The following TRMT13 variants were observed in gnomAD, a reference collection of about 807,000 sequenced individuals.
TRMT13 encodes the protein tRNA:m(4)X modification enzyme TRM13 homolog.
A neutral mutation model predicts 55.9 loss-of-function variants in TRMT13; 45 were observed. The observed-to-expected ratio is 0.80, with a 90% confidence interval of 0.63 to 1.03. TRMT13 has a LOEUF of 1.03. TRMT13 is among the 50% of genes least tolerant of loss of function. TRMT13 has a pLI of 0.00. For synonymous variants in TRMT13, 183 were observed against 196.3 expected (o/e 0.93, Z 0.57); for missense variants, 513 against 563.9 (o/e 0.91, Z 0.91).
Position 100,136,867 on chromosome 1 carries a change from C to A in TRMT13, c.148-15C>A. 3.8e-6 allele frequency: 6 copies of A among 1,571,664 alleles called. No homozygotes were observed. Among genetic ancestry groups the A allele is most frequent in the Non-Finnish European group, 5.2e-6 (6 of 1,156,584 alleles). ...TGATATTTTATTTAAATAAATGTAT[C>A]TCTTAATTTATTAGGAAGAAGATGC... On this transcript the variant is annotated splice_polypyrimidine_tract_variant and intron_variant, in intron 1 of 10. Transcript: ENST00000370141.
intron 8 of TRMT13, among the ~76,000 whole-genome samples, chr1:100,143,434 TTA>T (rs1280167214): frequency 3.9e-5 from 6 of 152,316 alleles, no homozygotes; most frequent in African/African-American, 1.4e-4. Context: ...AAGTGTTATA[TTA>T]GGGAAGAGTT....
rs1355100923 is a variant in TRMT13 at position 100,140,180 on chromosome 1, A to G, written c.325-2A>G. 1.2e-6 allele frequency: 2 copies of G among 1,600,468 alleles called. No homozygotes were observed. Among genetic ancestry groups the G allele is most frequent in the Non-Finnish European group, 1.7e-6 (2 of 1,171,454 alleles). The stretch of plus-strand genomic sequence containing the variant: ...ATTATTTAGTTTTATTTTTGTATAT[A>G]GGTTCCAATTTCTTCTCTATCTGAA... On this transcript the variant is annotated splice_acceptor_variant, in intron 4 of 10. Transcript: ENST00000370141. LOFTEE classifies it high-confidence loss of function.
intron 1 of TRMT13, among the ~76,000 whole-genome samples, chr1:100,134,076 GA>G (rs984879587): frequency 7.0e-6 from 1 of 143,534 alleles, no homozygotes; most frequent in African/African-American, 2.9e-5. Flanking sequence ...TCTCAAAAAA[GA>G]AAAAAAAATT....
chr1:100,139,400 T>G (rs938929125), intron 3 of TRMT13, among the ~76,000 whole-genome samples: 15 of 152,190 alleles, frequency 9.9e-5, no homozygotes, highest in Admixed American at 6.5e-5. Flanking sequence ...GATAATCACC[T>G]CACTAGAATA....
At chr1:100,139,538 G>A (rs1656332582) in intron 3 of TRMT13, 111 bp from the exon 4 acceptor site, 2 of 651,760 alleles carry the variant, frequency 3.1e-6, no homozygotes, top group Non-Finnish European at 2.7e-6. Context: ...AATGGAGGAA[G>A]GGAGGATGGC....
intron 9 of TRMT13, 96 bp from the exon 10 acceptor site, chr1:100,147,798 G>T: frequency 1.7e-6 from 2 of 1,195,584 alleles, no homozygotes; most frequent in South Asian, 1.8e-5. Context: ...TGTTTTTATT[G>T]TTGAGTTTTT....
chr1:100,146,993 G>C (rs1657351553), intron 9 of TRMT13, among the ~76,000 whole-genome samples: 1 of 152,092 alleles, frequency 6.6e-6, no homozygotes, highest in Non-Finnish European at 1.5e-5. Context: ...ATTTACTAGT[G>C]AAATATCAGA....
In TRMT13 at chr1:100,147,417, A is replaced by G. The variant is rs111760474; in HGVS notation, c.818-477A>G. Among the ~76,000 whole-genome samples the G allele has an allele frequency of 3.9e-3, 601 of 152,272 alleles. 8 individuals carry two copies. The highest frequency in any genetic ancestry group is 0.014 in the African/African-American group (563 of 41,568). On this transcript the variant is annotated intron_variant, in intron 9 of 10. Transcript: ENST00000370141. ...CTTTTCAACTCTTCAGTTCATCACT[A>G]TTTGCTATGAGCCTCTTCAAGACAA...
chr1:100,140,676 G>T, intron 6 of TRMT13, 162 bp downstream of exon 6: 1 of 836,478 alleles, frequency 1.2e-6, no homozygotes, highest in Non-Finnish European at 1.8e-6. Flanking sequence ...TTGAGGGCAT[G>T]GATGTGATTC....
In TRMT13 at chr1:100,149,058, ATGGAGAT is replaced by A. The variant is rs753825257; in HGVS notation, c.*242_*248del. 84 of 1,600,014 alleles carry A rather than the reference ATGGAGAT, an allele frequency of 5.2e-5. No homozygotes were observed. The highest frequency in any genetic ancestry group is 6.9e-5 in the Non-Finnish European group (81 of 1,175,072). On this transcript the variant is annotated 3_prime_UTR_variant, in exon 11 of 11. Coordinates refer to ENST00000370141, the MANE Select transcript of TRMT13 (RefSeq NM_019083.3). ...TGAATTATATTATCCATCCGTATTT[ATGGAGAT>A]TGGTAAAGTAGTTGAACCGTTGACT...
At chr1:100,137,133 G>C (rs776523455) in intron 3 of TRMT13, 48 bp downstream of exon 3, 3 of 1,449,646 alleles carry the variant, frequency 2.1e-6, no homozygotes, top group Admixed American at 3.6e-5. Flanking sequence ...GGTATGTAAT[G>C]CCTTGGTAGA....
At chr1:100,144,041 A>G in intron 8 of TRMT13, 28 bp from the exon 9 acceptor site, 1 of 1,563,650 alleles carries the variant, frequency 6.4e-7, no homozygotes, top group Non-Finnish European at 8.8e-7. Context: ...TTATTTCACT[A>G]GACAGTTAAT....
intron 8 of TRMT13, 31 bp downstream of exon 8, chr1:100,143,240 A>G (rs759782583): frequency 4.9e-6 from 7 of 1,426,026 alleles, no homozygotes; most frequent in Non-Finnish European, 6.9e-6. Context: ...TTGGTCTACA[A>G]ATAAATCATA....
In TRMT13 at chr1:100,143,023, T is replaced by A. The variant is rs1656807903; in HGVS notation, c.670-114T>A. 17 of 646,946 alleles carry A rather than the reference T, an allele frequency of 2.6e-5. No individual in the cohort carries two copies. In the South Asian group the frequency reaches 3.5e-4, roughly 13 times the overall value. 40.1% of individuals were successfully genotyped at this position (646,946 alleles called of 1,614,324 possible). A position where few individuals can be genotyped will look rare whatever the true frequency, so the allele number is the denominator to read the frequency against. ...TCATCAAAGAATGTACAATCTTAAT[T>A]TTTAAATATGTTCTGTTGCTCTGAA... On this transcript the variant is annotated intron_variant, in intron 7 of 10. Transcript: ENST00000370141.
intron 3 of TRMT13, among the ~76,000 whole-genome samples, chr1:100,139,152 A>G (rs1656280818): frequency 6.6e-6 from 1 of 152,204 alleles, no homozygotes; most frequent in African/African-American, 2.4e-5. Flanking sequence ...TCAAGTTTTA[A>G]TTAATATTTT....
rs1192072658 is a variant in TRMT13, at chr1:100,137,014, T to C, written c.195-5T>C. On this transcript the variant is annotated splice_region_variant and splice_polypyrimidine_tract_variant and intron_variant, in intron 2 of 10. Coordinates refer to ENST00000370141, the MANE Select transcript of TRMT13 (RefSeq NM_019083.3). Reference sequence around the variant, plus strand: ...CATTTGAAATAATTTTCTCTTTAAATTTAGCACAGTATATGAAGATCAACT... The same window carrying C: ...CATTTGAAATAATTTTCTCTTTAAACTTAGCACAGTATATGAAGATCAACT... The C allele has an allele frequency of 6.2e-7, 1 of 1,606,938 alleles. No individual in the cohort carries two copies. The highest frequency in any genetic ancestry group is 1.3e-5 in the African/African-American group (1 of 74,344).
chr1:100,137,164 T>C (rs751580219), intron 3 of TRMT13, 79 bp downstream of exon 3: 14 of 1,242,160 alleles, frequency 1.1e-5, no homozygotes, highest in Non-Finnish European at 1.5e-5. Flanking sequence ...GGAATGTACT[T>C]GTTTCATAGC....
At chr1:100,139,454 G>A (rs1656321915) in intron 3 of TRMT13, among the ~76,000 whole-genome samples, 195 bp from the exon 4 acceptor site, 1 of 152,148 alleles carries the variant, frequency 6.6e-6, no homozygotes, top group Admixed American at 6.5e-5. Context: ...GTTATCTACT[G>A]TGGTGGAGTG....
intron 9 of TRMT13, among the ~76,000 whole-genome samples, chr1:100,145,121 A>G (rs1309338408): frequency 1.3e-5 from 2 of 152,218 alleles, no homozygotes; most frequent in African/African-American, 4.8e-5. Flanking sequence ...AACATGCTGT[A>G]CAGGTTTGTA....
Sources: gnomAD v4.1 joint callset for allele counts (sites outside exome capture counted in the v4.1 genomes callset) on GRCh38, gnomAD v4.1.1 for gene constraint, MANE v1.5 for transcripts, NCBI Gene and HGNC (gene_info 2026-07-23, HGNC 2026-07-21) for gene names.